DLGAP2: variants seen among roughly 807,000 people sequenced by gnomAD.
The protein encoded by DLGAP2 is DLG associated protein 2, also known as disks large-associated protein 2.
In DLGAP2, 26 loss-of-function variants were observed where a neutral mutation model predicts 100.3. The ratio of observed to expected loss-of-function variants is 0.26; its 90% CI spans 0.19 to 0.36. DLGAP2 has a LOEUF of 0.36. Ranked by LOEUF, DLGAP2 falls within the 10% of genes least tolerant of loss-of-function variation. The probability of loss-of-function intolerance (pLI) is 1.00; values close to 1 mark genes in which losing one functional copy is unlikely to be tolerated. For missense variants in DLGAP2, 1,858 were observed against 1,453.2 expected (o/e 1.28, Z -4.53); for synonymous variants, 886 against 630.1 (o/e 1.41, Z -6.08).
At chr8:1,106,710 G>A (rs565484770) in intron 2 of DLGAP2, among the ~76,000 whole-genome samples, 37 of 150,864 alleles carry the variant, frequency 2.5e-4, no homozygotes, top group Non-Finnish European at 3.9e-4. Flanking sequence ...ATTCTAGGAG[G>A]GTTTTCTATT....
At chr8:1,692,478 G>A (rs1264162382) in intron 13 of DLGAP2, among the ~76,000 whole-genome samples, 1 of 150,222 alleles carries the variant, frequency 6.7e-6, no homozygotes, top group Non-Finnish European at 1.5e-5. Flanking sequence ...CCTGGTTTAA[G>A]CAGTACCGAG....
At chr8:1,023,857 A>ATGTGTGTGTGTGTGTGTGTGTG (rs149206104) in intron 2 of DLGAP2, among the ~76,000 whole-genome samples, 1,425 of 128,908 alleles carry the variant, frequency 0.011, 43 homozygotes, top group East Asian at 0.038. Flanking sequence ...AACTTTATAT[A>ATGTGTGTGTGTGTGTGTGTGTG]TGTGTGTGTG....
chr8:768,664 T>G (rs745684543), intron 1 of DLGAP2, among the ~76,000 whole-genome samples: 3 of 151,996 alleles, frequency 2.0e-5, no homozygotes, highest in Non-Finnish European at 4.4e-5. Context: ...GACCTCATGA[T>G]CTGCCCGCCT....
intron 2 of DLGAP2, among the ~76,000 whole-genome samples, chr8:1,168,324 T>C (rs1425867192): frequency 2.0e-5 from 3 of 151,852 alleles, no homozygotes. Context: ...CTATTGTGAA[T>C]AGTGCCGCAA....
chr8:1,006,149 A>G (rs1326626212), intron 2 of DLGAP2, among the ~76,000 whole-genome samples: 1 of 152,184 alleles, frequency 6.6e-6, no homozygotes, highest in Admixed American at 6.5e-5. Flanking sequence ...AGATCGCACC[A>G]CTGCACTCCA....
chr8:1,308,370 C>G (rs1357693888), intron 3 of DLGAP2, among the ~76,000 whole-genome samples: 1 of 152,194 alleles, frequency 6.6e-6, no homozygotes, highest in Non-Finnish European at 1.5e-5. Flanking sequence ...ACAGACTACA[C>G]CAGCCTTCAA....
intron 1 of DLGAP2, among the ~76,000 whole-genome samples, chr8:855,951 A>G (rs1029378243): frequency 1.3e-5 from 2 of 152,170 alleles, no homozygotes; most frequent in Non-Finnish European, 2.9e-5. Flanking sequence ...GTTCTTACTA[A>G]ATGATGAGAA....
intron 3 of DLGAP2, among the ~76,000 whole-genome samples, chr8:1,409,348 C>T (rs1187415695): frequency 2.6e-5 from 4 of 152,226 alleles, no homozygotes; most frequent in Admixed American, 1.3e-4. Flanking sequence ...CCTTGGACCA[C>T]TGCCCAACTC....
rs541130655 is a variant in DLGAP2, at chr8:924,565, C to G, written c.73+16599C>G. 1.3e-5 allele frequency among the ~76,000 whole-genome samples: 2 copies of G among 151,952 alleles called. 1 individual carries two copies. Among genetic ancestry groups the G allele is most frequent in the South Asian group, 4.2e-4 (2 of 4,810 alleles). ...CGGGAAGCTGGCACTGCATGCTTAT[C>G]CCGGTTATTCTTTTTTTTTTTTCTT... On this transcript the variant is annotated intron_variant, in intron 2 of 14. Transcript: ENST00000637795.
At chr8:1,567,449 CTA>C (rs1342358304) in intron 6 of DLGAP2, among the ~76,000 whole-genome samples, 1 of 152,206 alleles carries the variant, frequency 6.6e-6, no homozygotes, top group African/African-American at 2.4e-5. Context: ...TTGCATAATT[CTA>C]TATGTTTGAA....
At chr8:1,592,472 T>C (rs1290974366) in intron 6 of DLGAP2, among the ~76,000 whole-genome samples, 1 of 152,040 alleles carries the variant, frequency 6.6e-6, no homozygotes, top group Non-Finnish European at 1.5e-5. Flanking sequence ...ATGGTCCTGT[T>C]GCACATTTGC....
At chr8:1,293,276 T>A (rs890197404) in intron 3 of DLGAP2, among the ~76,000 whole-genome samples, 2 of 152,176 alleles carry the variant, frequency 1.3e-5, no homozygotes, top group Non-Finnish European at 2.9e-5. Flanking sequence ...GCAGGGGGAC[T>A]CAGGAGTGGA....
chr8:858,578 GACATGTGTGACGCTGTCACCGTGGGC>G (rs1797327571), intron 1 of DLGAP2, among the ~76,000 whole-genome samples: 3 of 143,686 alleles, frequency 2.1e-5, no homozygotes, highest in Non-Finnish European at 3.0e-5. Context: ...TCACCGTGGG[GACATGTGTGACGCTGTCACCGTGGGC>G]ACGTGTGTGA....
chr8:1,234,811 G>A (rs1585175518), intron 2 of DLGAP2, among the ~76,000 whole-genome samples: 1 of 152,298 alleles, frequency 6.6e-6, no homozygotes, highest in South Asian at 2.1e-4. Flanking sequence ...GCCCTCAAGT[G>A]AGTGAGTTCA....
At chr8:770,867 A>T (rs1821337854) in intron 1 of DLGAP2, among the ~76,000 whole-genome samples, 2 of 137,328 alleles carry the variant, frequency 1.5e-5, no homozygotes, top group South Asian at 2.4e-4. Context: ...TTTAGAAATT[A>T]TGCCTCTTTT....
At chr8:1,281,331 C>G (rs905259349) in intron 3 of DLGAP2, among the ~76,000 whole-genome samples, 1 of 152,162 alleles carries the variant, frequency 6.6e-6, no homozygotes, top group Non-Finnish European at 1.5e-5. Context: ...CCCTCGCTCC[C>G]GGCGAAGGCA....
intron 8 of DLGAP2, among the ~76,000 whole-genome samples, chr8:1,659,291 G>A (rs1319519710): frequency 2.2e-5 from 3 of 136,816 alleles, no homozygotes; most frequent in African/African-American, 8.7e-5. Flanking sequence ...TAAGTGTGAT[G>A]TGGTGCTGAG....
At chr8:927,066 G>C in intron 2 of DLGAP2, 1 of 985,324 alleles carries the variant, frequency 1.0e-6, no homozygotes. Flanking sequence ...CGATGTGGGA[G>C]AGATCCTCGT....
At position 1,669,404 on chromosome 8, in the gene DLGAP2, A is replaced by C. The variant is rs562558093; in HGVS notation, c.2161-339A>C. ...TAGGTGCAGTGTTGTGCACCCAGGG[A>C]GGCCGGGAGATTGTCCTGTGATCTG... On this transcript the variant is annotated intron_variant, in intron 9 of 14. Coordinates refer to ENST00000637795, the MANE Select transcript of DLGAP2 (RefSeq NM_001346810.2). 2.2e-4 allele frequency among the ~76,000 whole-genome samples: 34 copies of C among 152,322 alleles called. 1 individual carries two copies. The South Asian group carries it at 6.8e-3, about 31-fold the overall frequency.
Sources: gnomAD v4.1 joint callset for allele counts (sites outside exome capture counted in the v4.1 genomes callset) on GRCh38, gnomAD v4.1.1 for gene constraint, MANE v1.5 for transcripts, NCBI Gene and HGNC (gene_info 2026-07-23, HGNC 2026-07-21) for gene names.